The following FAM135A variants were observed in gnomAD, a reference collection of about 807,000 sequenced individuals.
FAM135A encodes family with sequence similarity 135 member A.
FAM135A carries 79 observed loss-of-function variants against 146.8 expected under a neutral mutation model. The observed-to-expected ratio is 0.54, with a 90% CI of 0.45 to 0.65. FAM135A has a LOEUF of 0.65. Ranked by LOEUF, FAM135A falls within the 30% of genes least tolerant of loss-of-function variation. The pLI is 0.00. For synonymous variants in FAM135A, 562 were observed against 603.6 expected (o/e 0.93, Z 1.01); for missense variants, 1,623 against 1,758.2 (o/e 0.92, Z 1.38).
At chr6:70,448,829 T>G (rs1322478105) in intron 4 of FAM135A, among the ~76,000 whole-genome samples, 3 of 152,270 alleles carry the variant, frequency 2.0e-5, no homozygotes, top group Non-Finnish European at 4.4e-5. Context: ...GAGCATGTCC[T>G]TAAGGCACAG....
At chr6:70,460,352 A>G (rs568770113) in intron 5 of FAM135A, among the ~76,000 whole-genome samples, 90 of 152,312 alleles carry the variant, frequency 5.9e-4, no homozygotes, top group Non-Finnish European at 9.7e-4. Flanking sequence ...TGAAATAAGG[A>G]TATAAACAGT....
intron 4 of FAM135A, among the ~76,000 whole-genome samples, chr6:70,446,768 C>T (rs1163539730): frequency 6.6e-6 from 1 of 152,176 alleles, no homozygotes; most frequent in Non-Finnish European, 1.5e-5. Context: ...CAGTGGTGAT[C>T]ACCGCTCTCA....
intron 20 of FAM135A, among the ~76,000 whole-genome samples, chr6:70,542,248 G>GCACACACACACACACACGCA (rs1798054825): frequency 7.0e-6 from 1 of 141,852 alleles, no homozygotes; most frequent in South Asian, 2.2e-4. Flanking sequence ...TTTTTATCCT[G>GCACACACACACACACACGCA]CACACACACA....
chr6:70,531,021 C>G (rs1411344743), intron 16 of FAM135A, among the ~76,000 whole-genome samples: 1 of 152,144 alleles, frequency 6.6e-6, no homozygotes, highest in African/African-American at 2.4e-5. Flanking sequence ...GGAACCAAAT[C>G]AGGACTGTAA....
At chr6:70,471,369 T>C (rs1781577559) in intron 5 of FAM135A, among the ~76,000 whole-genome samples, 1 of 152,162 alleles carries the variant, frequency 6.6e-6, no homozygotes, top group Admixed American at 6.5e-5. Context: ...TACTCCTAAA[T>C]GTGGTCAAAG....
At chr6:70,454,022 C>T (rs1010750990) in intron 5 of FAM135A, among the ~76,000 whole-genome samples, 4 of 152,204 alleles carry the variant, frequency 2.6e-5, no homozygotes, top group African/African-American at 9.7e-5. Flanking sequence ...AATTTACACT[C>T]CCACCAACAG....
intron 20 of FAM135A, among the ~76,000 whole-genome samples, chr6:70,550,742 T>C (rs1799676048): frequency 6.6e-6 from 1 of 152,232 alleles, no homozygotes; most frequent in South Asian, 2.1e-4. Context: ...GCTTGCCCTT[T>C]GAAGCTTTGA....
At chr6:70,414,113 G>A in intron 1 of FAM135A, 1 of 912,800 alleles carries the variant, frequency 1.1e-6, no homozygotes, top group Non-Finnish European at 1.3e-6. Flanking sequence ...GTGTCTTTTT[G>A]CCCGGGTGGT....
intron 5 of FAM135A, among the ~76,000 whole-genome samples, 197 bp downstream of exon 5, chr6:70,452,768 A>G (rs555337438): frequency 1.3e-4 from 20 of 152,320 alleles, no homozygotes; most frequent in South Asian, 4.1e-4. Flanking sequence ...ATTTCATACA[A>G]TGAGCACATC....
intron 20 of FAM135A, among the ~76,000 whole-genome samples, chr6:70,540,629 C>A (rs1006958771): frequency 1.3e-5 from 2 of 152,094 alleles, no homozygotes; most frequent in African/African-American, 4.8e-5. Context: ...CTGGCTAATT[C>A]CTGCTACATT....
Position 70,525,918 on chromosome 6 carries a change from A to G in FAM135A, c.2834A>G (p.Asp945Gly), listed in dbSNP as rs886648879. Residue 945 changes from aspartate to glycine, a missense_variant, in exon 15 of 22, where the codon GAT becomes GGT. Around this residue, in one of 7 missense-constraint regions of FAM135A, gnomAD observed 1,061 missense variants for 1,113.8 expected, o/e 0.95. Transcript: ENST00000418814. ...KSSCSSKPNL[D>G]TMCKGFQSPD... ...AGTTGCAGCTCCAAACCTAACTTGG[A>G]TACTATGTGTAAAGGCTTCCAGAGT... 2 of 1,613,268 alleles carry G rather than the reference A, an allele frequency of 1.2e-6. No homozygotes were observed. Among genetic ancestry groups the G allele is most frequent in the Admixed American group, 3.3e-5 (2 of 59,930 alleles).
chr6:70,557,923 A>G (rs1295375525), intron 21 of FAM135A, among the ~76,000 whole-genome samples: 1 of 152,134 alleles, frequency 6.6e-6, no homozygotes, highest in African/African-American at 2.4e-5. Context: ...TGTGACATCA[A>G]AATAACCTTT....
At chr6:70,552,348 A>G (rs968283358) in intron 20 of FAM135A, among the ~76,000 whole-genome samples, 1 of 152,054 alleles carries the variant, frequency 6.6e-6, no homozygotes, top group Non-Finnish European at 1.5e-5. Flanking sequence ...GAAAAATGCA[A>G]AAAAATGAGG....
chr6:70,534,923 G>A (rs974917960), intron 18 of FAM135A, among the ~76,000 whole-genome samples: 2 of 152,208 alleles, frequency 1.3e-5, no homozygotes, highest in Non-Finnish European at 2.9e-5. Context: ...TTAAAATATG[G>A]GAGAAGGTTC....
In FAM135A at chr6:70,516,527, TTTC is replaced by T. The variant is rs1232314341; in HGVS notation, c.1030-5983_1030-5981del. On this transcript the variant is annotated intron_variant, in intron 12 of 21. Transcript: ENST00000418814. ...TTAATATCATAAAATAGTATTTTCT[TTTC>T]TTTTTTTTTTTTTTTTTTTTTTTGA... Among the ~76,000 whole-genome samples the T allele has an allele frequency of 9.7e-3, 1,402 of 144,928 alleles. 41 individuals are homozygous for T. The highest frequency in any genetic ancestry group is 0.036 in the African/African-American group (1,344 of 36,956).
At chr6:70,497,595 C>G (rs1230725727) in intron 11 of FAM135A, among the ~76,000 whole-genome samples, 3 of 152,174 alleles carry the variant, frequency 2.0e-5, no homozygotes. Flanking sequence ...GGGAATGCTT[C>G]CAGCTTTTGC....
intron 21 of FAM135A, 48 bp downstream of exon 21, chr6:70,556,911 T>C (rs757266839): frequency 6.7e-7 from 1 of 1,481,496 alleles, no homozygotes; most frequent in Non-Finnish European, 9.3e-7. Context: ...TAATGAGCTC[T>C]TTCCAAAATT....
intron 12 of FAM135A, among the ~76,000 whole-genome samples, chr6:70,511,325 G>A (rs1790952843): frequency 6.6e-6 from 1 of 151,856 alleles, no homozygotes; most frequent in African/African-American, 2.4e-5. Flanking sequence ...AAGAAATCCT[G>A]TAAATTAAGA....
At chr6:70,536,002 A>G in intron 18 of FAM135A, 1 of 304,340 alleles carries the variant, frequency 3.3e-6, no homozygotes, top group Non-Finnish European at 5.9e-6. Flanking sequence ...CTAAGCAGTT[A>G]CAAACTATGA....
Sources: gnomAD v4.1 joint callset for allele counts (sites outside exome capture counted in the v4.1 genomes callset) on GRCh38, gnomAD v4.1.1 for gene constraint, gnomAD v4.1.1 regional missense constraint, MANE v1.5 for transcripts, NCBI Gene and HGNC (gene_info 2026-07-23, HGNC 2026-07-21) for gene names.